The following LEPR variants were observed in gnomAD, a reference collection of about 807,000 sequenced individuals.
LEPR encodes the protein leptin receptor.
Under a neutral mutation model 114.7 loss-of-function variants are expected in LEPR, and 56 were observed. That is an observed-to-expected ratio of 0.49 (90% CI 0.39 to 0.61). The LOEUF is 0.61. Ranked by LOEUF, LEPR falls within the 20% of genes least tolerant of loss-of-function variation. LEPR has a pLI of 0.00. For synonymous variants in LEPR, 443 were observed against 461.4 expected (o/e 0.96, Z 0.51); for missense variants, 1,202 against 1,352.9 (o/e 0.89, Z 1.75).
intron 8 of LEPR, 142 bp downstream of exon 8, chr1:65,598,946 A>T (rs1318718248): frequency 7.9e-7 from 1 of 1,265,062 alleles, no homozygotes; most frequent in Non-Finnish European, 1.1e-6. Context: ...AACTTTGAAC[A>T]GGCCAATTTG....
At chr1:65,588,428 A>G (rs1231561967) in intron 5 of LEPR, among the ~76,000 whole-genome samples, 1 of 152,050 alleles carries the variant, frequency 6.6e-6, no homozygotes, top group Non-Finnish European at 1.5e-5. Context: ...GTTGATATAT[A>G]ATAAGCTGTA....
At chr1:65,435,499 C>T in intron 2 of LEPR, 3 of 391,282 alleles carry the variant, frequency 7.7e-6, no homozygotes, top group Non-Finnish European at 1.0e-5. Context: ...TCCCAAGGAG[C>T]TGGGACTACA....
At chr1:65,438,064 G>A (rs1271050500) in intron 2 of LEPR, among the ~76,000 whole-genome samples, 1 of 143,422 alleles carries the variant, frequency 7.0e-6, no homozygotes, top group Non-Finnish European at 1.5e-5. Context: ...GCCTGTCTCA[G>A]CCTCCCAAAA....
At chr1:65,454,704 C>G (rs1001610186) in intron 2 of LEPR, among the ~76,000 whole-genome samples, 5 of 152,134 alleles carry the variant, frequency 3.3e-5, no homozygotes, top group Non-Finnish European at 7.3e-5. Flanking sequence ...TTCTCTCTGG[C>G]TGCCCTTAAC....
intron 2 of LEPR, among the ~76,000 whole-genome samples, chr1:65,541,941 G>T (rs1219095425): frequency 6.6e-6 from 1 of 152,090 alleles, no homozygotes; most frequent in Admixed American, 6.5e-5. Flanking sequence ...GATTGAGACT[G>T]TTCTGTTTTA....
At chr1:65,535,515 A>AT (rs941664803) in intron 2 of LEPR, among the ~76,000 whole-genome samples, 17 of 151,628 alleles carry the variant, frequency 1.1e-4, no homozygotes, top group African/African-American at 3.9e-4. Context: ...CACCTGGCTA[A>AT]TTTTTTCAAA....
At chr1:65,468,815 G>C (rs1647047617) in intron 2 of LEPR, among the ~76,000 whole-genome samples, 1 of 152,198 alleles carries the variant, frequency 6.6e-6, no homozygotes, top group African/African-American at 2.4e-5. Context: ...ATAGCATCCA[G>C]CTAGGAAGTC....
chr1:65,601,772 AG>A, intron 9 of LEPR, 70 bp from the exon 10 acceptor site: 3 of 1,588,342 alleles, frequency 1.9e-6, no homozygotes, highest in Non-Finnish European at 2.6e-6. Context: ...TAAAGATGTA[AG>A]AAAAAATTTT....
chr1:65,432,752 A>G, intron 2 of LEPR: 1 of 542,958 alleles, frequency 1.8e-6, no homozygotes, highest in African/African-American at 2.1e-5. Flanking sequence ...CTTGCACAGC[A>G]TGCTAAATAT....
chr1:65,605,190 T>TAAG lies in LEPR; in HGVS notation c.1557_1558insAGA (p.Leu519_Gly520insArg). ...ATGTGGATTAGGATCAATCACTCTCTAGGTTCACTTGACTCTCCACCAACA... is the reference window on the plus strand; with the variant it reads ...ATGTGGATTAGGATCAATCACTCTCTAAGAGGTTCACTTGACTCTCCACCAACA... On this transcript the variant is annotated inframe_insertion, in exon 11 of 20. Transcript: ENST00000349533. The TAAG allele has an allele frequency of 1.2e-6, 2 of 1,614,164 alleles. No homozygotes were observed. The highest frequency in any genetic ancestry group is 1.7e-6 in the Non-Finnish European group (2 of 1,180,034).
intron 14 of LEPR, among the ~76,000 whole-genome samples, chr1:65,613,578 C>T (rs947114367): frequency 8.9e-6 from 1 of 112,962 alleles, no homozygotes; most frequent in African/African-American, 3.1e-5. Flanking sequence ...AAGGTGAAAC[C>T]CCGTCTCTAC....
intron 2 of LEPR, among the ~76,000 whole-genome samples, chr1:65,449,263 T>C (rs954790678): frequency 1.3e-5 from 2 of 149,756 alleles, no homozygotes; most frequent in African/African-American, 2.4e-5. Flanking sequence ...TATTTATCTT[T>C]TTTTTTTTTT....
Position 65,435,417 on chromosome 1 carries a change from G to C in LEPR, c.-21+10039G>C, listed in dbSNP as rs1366531079. On this transcript the variant is annotated intron_variant, in intron 2 of 19. Coordinates refer to ENST00000349533, the MANE Select transcript of LEPR (RefSeq NM_002303.6). Reference sequence around the variant, plus strand: ...GAGTCTCGCTCTGTTGCCCAGGCTGGAGTGCAGTGGTGCGATCTTGGCTCA... The same window carrying C: ...GAGTCTCGCTCTGTTGCCCAGGCTGCAGTGCAGTGGTGCGATCTTGGCTCA... The C allele has an allele frequency of 1.1e-5, 8 of 739,170 alleles. No homozygotes were observed. The East Asian group carries it at 9.2e-4, about 85-fold the overall frequency. The allele number at this position is 739,170 out of a possible 1,614,324, so 45.8% of individuals were successfully genotyped here.
rs1217277780 is a variant in LEPR, at chr1:65,574,700, C to T, written c.494+2251C>T. Among the ~76,000 whole-genome samples, 3 of 152,068 alleles carry T rather than the reference C, an allele frequency of 2.0e-5. No individual in the cohort carries two copies. In the East Asian group the frequency reaches 5.8e-4, roughly 29 times the overall value. ...TTATTTGTTGAATGAATACATATTG[C>T]CAAAATGCTTTCTAAAATATTTTCC... On this transcript the variant is annotated intron_variant, in intron 5 of 19. Coordinates refer to ENST00000349533, the MANE Select transcript of LEPR (RefSeq NM_002303.6).
At chr1:65,597,821 T>C (rs1277506968) in intron 7 of LEPR, among the ~76,000 whole-genome samples, 1 of 152,180 alleles carries the variant, frequency 6.6e-6, no homozygotes, top group Non-Finnish European at 1.5e-5. Flanking sequence ...GAATCCTCAG[T>C]GTCACATATG....
chr1:65,581,338 A>G lies in LEPR; in HGVS notation c.494+8889A>G, dbSNP rs1001888225. The stretch of plus-strand genomic sequence containing the variant: ...TTCTTGGCTCCCCCTTCTGGGTGCC[A>G]GGTTCTGGCCTGAGTAACCCTCTCT... On this transcript the variant is annotated intron_variant, in intron 5 of 19. Coordinates refer to ENST00000349533, the MANE Select transcript of LEPR (RefSeq NM_002303.6). Among the ~76,000 whole-genome samples, 37 of 152,216 alleles carry G rather than the reference A, an allele frequency of 2.4e-4. 1 individual carries two copies. The highest frequency in any genetic ancestry group is 3.9e-4 in the East Asian group (2 of 5,170).
chr1:65,538,827 A>G (rs769359387), intron 2 of LEPR, among the ~76,000 whole-genome samples: 1 of 151,812 alleles, frequency 6.6e-6, no homozygotes, highest in Non-Finnish European at 1.5e-5. Context: ...CCTGGTAGCC[A>G]TATTTTTCAC....
At chr1:65,431,311 C>G (rs936651440) in intron 2 of LEPR, among the ~76,000 whole-genome samples, 1 of 152,186 alleles carries the variant, frequency 6.6e-6, no homozygotes, top group African/African-American at 2.4e-5. Flanking sequence ...CTCTCACCCC[C>G]AAATGTGCTT....
In LEPR at chr1:65,640,341, C is replaced by A. The variant is rs1658827466; in HGVS notation, c.*3326C>A. 2 of 152,174 alleles carry A rather than the reference C, an allele frequency of 1.3e-5. No individual in the cohort carries two copies. The highest frequency in any genetic ancestry group is 2.4e-5 in the African/African-American group (1 of 41,424). 9.4% of individuals were successfully genotyped at this position (152,174 alleles called of 1,614,324 possible). A position where few individuals can be genotyped will look rare whatever the true frequency, so the allele number is the denominator to read the frequency against. On this transcript the variant is annotated 3_prime_UTR_variant, in exon 20 of 20. Coordinates refer to ENST00000349533, the MANE Select transcript of LEPR (RefSeq NM_002303.6). ...TCTCTTGCTAAATTATTTTCTGTGA[C>A]CTTAAAAGAAATTTGTTTCACTTTT...
Sources: allele counts gnomAD v4.1 joint callset (sites outside exome capture counted in the v4.1 genomes callset), GRCh38; gene constraint gnomAD v4.1.1; transcripts MANE v1.5; gene names NCBI Gene and HGNC (gene_info 2026-07-23, HGNC 2026-07-21).